Variants in SCGB2A1 observed in about 807,000 individuals in gnomAD.
SCGB2A1 encodes mammaglobin-B.
SCGB2A1 carries 6 observed loss-of-function variants against 9.2 expected under a neutral mutation model. That is an observed-to-expected ratio of 0.66 (90% CI 0.36 to 1.29). SCGB2A1 has a LOEUF of 1.29. Ranked by LOEUF, SCGB2A1 falls within the 50% of genes most tolerant of loss-of-function variation. The pLI is 0.03. For synonymous variants in SCGB2A1, 37 were observed against 41.0 expected (o/e 0.90, Z 0.37); for missense variants, 138 against 116.9 (o/e 1.18, Z -0.83).
chr11:62,213,849 T>C lies in SCGB2A1; in HGVS notation c.*79T>C. The C allele has an allele frequency of 8.1e-7, 1 of 1,236,604 alleles. No homozygotes were observed. Among genetic ancestry groups the C allele is most frequent in the Non-Finnish European group, 1.2e-6 (1 of 860,742 alleles). The allele number at this position is 1,236,604 out of a possible 1,614,324, so 76.6% of individuals were successfully genotyped here. A position where few individuals can be genotyped will look rare whatever the true frequency, so the allele number is the denominator to read the frequency against. On this transcript the variant is annotated 3_prime_UTR_variant, in exon 3 of 3. Transcript: ENST00000244930. ...TGTTGATTGCTAGAAACCACTTTTC[T>C]TTCTTGTGTTGTCTTTTTATGTGGA...
chr11:62,213,002 A>ACACATATACG (rs1944845701), intron 2 of SCGB2A1, among the ~76,000 whole-genome samples: 1 of 81,460 alleles, frequency 1.2e-5, no homozygotes, highest in South Asian at 9.6e-4. Context: ...GCATATATGT[A>ACACATATACG]CACATATATG....
In SCGB2A1 at chr11:62,213,108, T is replaced by TA. The variant is rs1565121650; in HGVS notation, c.244-618_244-617insA. 3.5e-3 allele frequency among the ~76,000 whole-genome samples: 289 copies of TA among 83,452 alleles called. 24 individuals carry two copies. Among genetic ancestry groups the TA allele is most frequent in the African/African-American group, 9.7e-3 (252 of 26,078 alleles). The allele number at this position is 83,452 out of a possible 152,430, so 54.7% of individuals were successfully genotyped here. A position where few individuals can be genotyped will look rare whatever the true frequency, so the allele number is the denominator to read the frequency against. On this transcript the variant is annotated intron_variant, in intron 2 of 2. Coordinates refer to ENST00000244930, the MANE Select transcript of SCGB2A1 (RefSeq NM_002407.3). Reference sequence around the variant, plus strand: ...TATATACACATATATATATATATATTTTTTTTTTTGTAGAGATGGCATTTT... The same window carrying TA: ...TATATACACATATATATATATATATTATTTTTTTTTGTAGAGATGGCATTTT...
intron 2 of SCGB2A1, among the ~76,000 whole-genome samples, chr11:62,211,798 G>A (rs1417089694): frequency 6.6e-6 from 1 of 152,168 alleles, no homozygotes; most frequent in African/African-American, 2.4e-5. Context: ...TCATGAAGTG[G>A]GAAGTGCAGA....
Position 62,210,577 on chromosome 11 carries a change from C to G in SCGB2A1, c.220C>G (p.Leu74Val), listed in dbSNP as rs745591335. The G allele has an allele frequency of 6.4e-7, 1 of 1,556,494 alleles. No individual in the cohort carries two copies. Among genetic ancestry groups the G allele is most frequent in the Non-Finnish European group, 8.6e-7 (1 of 1,161,156 alleles). ...QCFLNQSHRTLKNFGLMMHTV... is the reference protein window; with the variant it reads ...QCFLNQSHRTVKNFGLMMHTV... ...TTTCCTCAACCAGTCACATAGAACTCTGAAAAACTTTGGACTGATGATGGT... is the reference window on the plus strand; with the variant it reads ...TTTCCTCAACCAGTCACATAGAACTGTGAAAAACTTTGGACTGATGATGGT... The change falls in exon 2 of 3, where the codon CTG becomes GTG. Residue 74 changes from leucine (L) to valine (V), a missense_variant. Physicochemically the swap from Leu to Val is conservative, Grantham distance 32. Coordinates refer to ENST00000244930, the MANE Select transcript of SCGB2A1 (RefSeq NM_002407.3).
chr11:62,210,332 C>T lies in SCGB2A1; in HGVS notation c.56-81C>T, dbSNP rs185337838. 4.0e-4 allele frequency: 593 copies of T among 1,493,334 alleles called. 1 individual carries two copies. The East Asian group carries it at 4.2e-3, about 10-fold the overall frequency. 92.5% of individuals were successfully genotyped at this position (1,493,334 alleles called of 1,614,324 possible). On this transcript the variant is annotated intron_variant, in intron 1 of 2. Transcript: ENST00000244930. ...TGGAGGTACGAAGATAGCCAGCTTC[C>T]CAATTCATCTGTAGAATGAATCACA...
At chr11:62,211,542 G>A (rs1487396195) in intron 2 of SCGB2A1, among the ~76,000 whole-genome samples, 1 of 152,040 alleles carries the variant, frequency 6.6e-6, no homozygotes, top group African/African-American at 2.4e-5. Context: ...TGGGACTACA[G>A]GCATGTACCA....
intron 1 of SCGB2A1, among the ~76,000 whole-genome samples, chr11:62,209,871 C>T (rs1317380751): frequency 6.6e-6 from 1 of 152,092 alleles, no homozygotes; most frequent in Non-Finnish European, 1.5e-5. Context: ...GATGAGGTCT[C>T]CCTGTGTTGT....
At position 62,210,838 on chromosome 11, in the gene SCGB2A1, C is replaced by G. The variant is rs562607047; in HGVS notation, c.243+238C>G. Among the ~76,000 whole-genome samples, 4 of 152,004 alleles carry G rather than the reference C, an allele frequency of 2.6e-5. No individual in the cohort carries two copies. In the East Asian group the frequency reaches 7.7e-4, roughly 29 times the overall value. On this transcript the variant is annotated intron_variant, in intron 2 of 2. Coordinates refer to ENST00000244930, the MANE Select transcript of SCGB2A1 (RefSeq NM_002407.3). Reference sequence around the variant, plus strand: ...TAGAGATCACCCGTCTACCTCTGACCTCACCAGTCCCTTCTCACACAGACA... The same window carrying G: ...TAGAGATCACCCGTCTACCTCTGACGTCACCAGTCCCTTCTCACACAGACA...
chr11:62,213,620 GAGTT>G, intron 2 of SCGB2A1, 102 bp from the exon 3 acceptor site: 2 of 1,078,638 alleles, frequency 1.9e-6, no homozygotes, highest in African/African-American at 1.6e-5. Flanking sequence ...ATCCTCCTGA[GAGTT>G]AGCTGTTTGT....
intron 1 of SCGB2A1, among the ~76,000 whole-genome samples, chr11:62,209,635 ATGTGTGTGTGTGTGTGTGTGTG>A (rs60357410): frequency 7.0e-5 from 10 of 142,104 alleles, no homozygotes; most frequent in Non-Finnish European, 9.1e-5. Flanking sequence ...TTTCACATTC[ATGTGTGTGTGTGTGTGTGTGTG>A]TGTGTGTGTG....
At chr11:62,213,037 T>C (rs184998689) in intron 2 of SCGB2A1, among the ~76,000 whole-genome samples, 2,418 of 118,588 alleles carry the variant, frequency 0.02, 83 homozygotes, top group Non-Finnish European at 0.03. Context: ...TATACACACA[T>C]ATATACATAT....
chr11:62,210,444 T>A lies in SCGB2A1; in HGVS notation c.87T>A (p.Val29=). 6.4e-7 allele frequency: 1 copy of A among 1,572,070 alleles called. No individual in the cohort carries two copies. The part of the protein sequence containing the change: ...DSGCKLLEDM[V]EKTINSDISI... Reference sequence around the variant, plus strand: ...GCTGCAAACTCCTGGAGGACATGGTTGAAAAGACCATCAATTCCGACATAT... The same window carrying A: ...GCTGCAAACTCCTGGAGGACATGGTAGAAAAGACCATCAATTCCGACATAT... The change falls in exon 2 of 3, where the codon GTT becomes GTA. Residue 29 remains valine, a synonymous_variant. Transcript: ENST00000244930.
intron 2 of SCGB2A1, among the ~76,000 whole-genome samples, chr11:62,212,372 T>C (rs763418586): frequency 1.3e-5 from 2 of 151,770 alleles, no homozygotes; most frequent in East Asian, 3.9e-4. Context: ...GCATCCCTCA[T>C]ACCTGTAATC....
intron 2 of SCGB2A1, among the ~76,000 whole-genome samples, chr11:62,211,921 T>C (rs1264111130): frequency 1.3e-5 from 2 of 152,124 alleles, no homozygotes; most frequent in Non-Finnish European, 2.9e-5. Flanking sequence ...AGTTTTGTTT[T>C]TTGTTTTTCG....
intron 2 of SCGB2A1, among the ~76,000 whole-genome samples, chr11:62,211,771 C>T (rs1375046098): frequency 6.6e-6 from 1 of 152,136 alleles, no homozygotes; most frequent in African/African-American, 2.4e-5. Context: ...AAGTCATGCA[C>T]CACTTAATTA....
intron 2 of SCGB2A1, among the ~76,000 whole-genome samples, chr11:62,213,021 T>C: frequency 1.5e-5 from 1 of 67,280 alleles, no homozygotes; most frequent in African/African-American, 4.2e-5. Context: ...TGCACATATA[T>C]ACATATATAC....
chr11:62,213,897 C>G lies in SCGB2A1; in HGVS notation c.*127C>G. 1.5e-6 allele frequency: 1 copy of G among 672,276 alleles called. No individual in the cohort carries two copies. The highest frequency in any genetic ancestry group is 1.8e-5 in the African/African-American group (1 of 54,486). 41.6% of individuals were successfully genotyped at this position (672,276 alleles called of 1,614,324 possible). ...GGAAACTGCTAGACAACTGTTGAAA[C>G]CTCAAATTCATTTCCATTTCAATAA... On this transcript the variant is annotated 3_prime_UTR_variant, in exon 3 of 3. Coordinates refer to ENST00000244930, the MANE Select transcript of SCGB2A1 (RefSeq NM_002407.3).
At position 62,212,932 on chromosome 11, in the gene SCGB2A1, A is replaced by ACACACATATG. The variant is rs1565121260; in HGVS notation, c.244-794_244-793insCACACATATG. ...TACATATATATACACACACACATAT[A>ACACACATATG]TACACACATATGTACACACATATGT... On this transcript the variant is annotated intron_variant, in intron 2 of 2. Coordinates refer to ENST00000244930, the MANE Select transcript of SCGB2A1 (RefSeq NM_002407.3). Among the ~76,000 whole-genome samples the ACACACATATG allele has an allele frequency of 1.8e-4, 25 of 141,046 alleles. 1 individual carries two copies. Among genetic ancestry groups the ACACACATATG allele is most frequent in the African/African-American group, 6.5e-4 (25 of 38,560 alleles). 92.5% of individuals were successfully genotyped at this position (141,046 alleles called of 152,430 possible).
chr11:62,213,804 G>A lies in SCGB2A1; in HGVS notation c.*34G>A, dbSNP rs753437641. 4 of 1,586,978 alleles carry A rather than the reference G, an allele frequency of 2.5e-6. No individual in the cohort carries two copies. Among genetic ancestry groups the A allele is most frequent in the South Asian group, 1.1e-5 (1 of 89,134 alleles). ...AAGGCGTTTGGCTCAGAGGGCTACAGACTATGGCCAGAACTCATCTGTTGA... is the reference window on the plus strand; with the variant it reads ...AAGGCGTTTGGCTCAGAGGGCTACAAACTATGGCCAGAACTCATCTGTTGA... On this transcript the variant is annotated 3_prime_UTR_variant, in exon 3 of 3. Coordinates refer to ENST00000244930, the MANE Select transcript of SCGB2A1 (RefSeq NM_002407.3).
Sources: gnomAD v4.1 joint callset for allele counts (sites outside exome capture counted in the v4.1 genomes callset) on GRCh38, gnomAD v4.1.1 for gene constraint, MANE v1.5 for transcripts, NCBI Gene and HGNC (gene_info 2026-07-23, HGNC 2026-07-21) for gene names.